RALYL: variants seen among roughly 807,000 people sequenced by gnomAD.
RALYL encodes the protein RNA-binding Raly-like protein.
RALYL carries 29 observed loss-of-function variants against 35.1 expected under a neutral mutation model. That is an observed-to-expected ratio of 0.83 (90% CI 0.61 to 1.13). The LOEUF (loss-of-function observed/expected upper bound fraction) is 1.13. Ranked by LOEUF, RALYL falls within the 50% of genes most tolerant of loss-of-function variation. The probability of loss-of-function intolerance (pLI) is 0.00; values close to 1 mark genes in which losing one functional copy is unlikely to be tolerated. For missense variants in RALYL, 359 were observed against 360.4 expected (o/e 1.00, Z 0.03); for synonymous variants, 120 against 127.6 (o/e 0.94, Z 0.40).
chr8:84,621,747 A>G (rs1821547663), intron 2 of RALYL, among the ~76,000 whole-genome samples: 1 of 152,200 alleles, frequency 6.6e-6, no homozygotes, highest in Non-Finnish European at 1.5e-5. Context: ...GTAGCCTTGT[A>G]GGATTTAAAG....
At chr8:84,656,223 C>G (rs191510280) in intron 2 of RALYL, among the ~76,000 whole-genome samples, 5 of 152,072 alleles carry the variant, frequency 3.3e-5, no homozygotes, top group Non-Finnish European at 7.4e-5. Context: ...TTTAGTTATA[C>G]CATGTGTCTT....
At chr8:84,230,723 C>A (rs1470120228) in intron 1 of RALYL, among the ~76,000 whole-genome samples, 3 of 152,146 alleles carry the variant, frequency 2.0e-5, no homozygotes, top group African/African-American at 7.2e-5. Flanking sequence ...TTATGCCAAG[C>A]ATTGTGCTAA....
intron 2 of RALYL, among the ~76,000 whole-genome samples, chr8:84,625,003 G>A (rs1277833047): frequency 6.6e-6 from 1 of 152,130 alleles, no homozygotes; most frequent in African/African-American, 2.4e-5. Flanking sequence ...AAGTCACAGA[G>A]TACACAGAAA....
chr8:84,785,323 T>G (rs1819157636), intron 3 of RALYL, among the ~76,000 whole-genome samples: 2 of 152,184 alleles, frequency 1.3e-5, no homozygotes, highest in Non-Finnish European at 2.9e-5. Flanking sequence ...AACTAAGTTG[T>G]GTATCTGCTA....
intron 1 of RALYL, among the ~76,000 whole-genome samples, chr8:84,334,715 G>T (rs924970754): frequency 6.6e-6 from 1 of 151,950 alleles, no homozygotes; most frequent in Admixed American, 6.6e-5. Flanking sequence ...ATCATTTATT[G>T]CATTTAGATA....
chr8:84,876,513 T>C (rs888837621), intron 7 of RALYL, among the ~76,000 whole-genome samples: 11 of 152,252 alleles, frequency 7.2e-5, no homozygotes, highest in African/African-American at 2.2e-4. Flanking sequence ...ACAAATTACA[T>C]GCTTTACGCA....
chr8:84,678,981 C>A, intron 2 of RALYL: 1 of 267,222 alleles, frequency 3.7e-6, no homozygotes, highest in South Asian at 4.2e-5. Context: ...AATTAATTAT[C>A]TCAGTAGTGT....
chr8:84,703,123 C>T lies in RALYL; in HGVS notation c.257-71456C>T, dbSNP rs189842068. Among the ~76,000 whole-genome samples the T allele has an allele frequency of 1.5e-4, 23 of 152,208 alleles. No homozygotes were observed. In the East Asian group the frequency reaches 4.2e-3, roughly 28 times the overall value. ...ACTTTCACCAAGGACTCTGCTCCCC[C>T]TCAGCCACTGCCCCTGCCTTTCTCT... On this transcript the variant is annotated intron_variant, in intron 2 of 8. Coordinates refer to ENST00000521268, the MANE Select transcript of RALYL (RefSeq NM_173848.7).
chr8:84,443,057 A>G (rs915372537), intron 1 of RALYL, among the ~76,000 whole-genome samples: 4 of 152,170 alleles, frequency 2.6e-5, no homozygotes, highest in African/African-American at 7.2e-5. Context: ...CTGTGGCCAC[A>G]TTGTAAGGAC....
Position 84,247,829 on chromosome 8 carries a change from G to T in RALYL, c.-24+63405G>T, listed in dbSNP as rs143806205. ...CTAAAAACAGTCTGCCAGAGTTTCA[G>T]TTATGCAAATAAAATAAATGGTGGG... On this transcript the variant is annotated intron_variant, in intron 1 of 8. Coordinates refer to ENST00000521268, the MANE Select transcript of RALYL (RefSeq NM_173848.7). Among the ~76,000 whole-genome samples, 14 of 152,192 alleles carry T rather than the reference G, an allele frequency of 9.2e-5. No individual in the cohort carries two copies. The East Asian group carries it at 1.7e-3, about 19-fold the overall frequency.
intron 1 of RALYL, among the ~76,000 whole-genome samples, chr8:84,244,252 G>C (rs950519605): frequency 6.6e-6 from 1 of 152,066 alleles, no homozygotes; most frequent in Non-Finnish European, 1.5e-5. Context: ...AACTGGGTTT[G>C]ACTCAAAGAT....
chr8:84,776,692 G>A (rs979468178), intron 3 of RALYL, among the ~76,000 whole-genome samples: 1 of 152,104 alleles, frequency 6.6e-6, no homozygotes, highest in Admixed American at 6.5e-5. Flanking sequence ...GCTACTGTCT[G>A]TGCAATGATG....
chr8:84,512,870 T>C (rs1254261733), intron 1 of RALYL, among the ~76,000 whole-genome samples: 1 of 152,204 alleles, frequency 6.6e-6, no homozygotes, highest in Non-Finnish European at 1.5e-5. Flanking sequence ...TTATCAATAT[T>C]GTTCCATTGG....
At chr8:84,272,645 A>G (rs545996565) in intron 1 of RALYL, among the ~76,000 whole-genome samples, 2 of 152,228 alleles carry the variant, frequency 1.3e-5, no homozygotes, top group Non-Finnish European at 2.9e-5. Flanking sequence ...CTATATAGCA[A>G]GTAAAATGGC....
At chr8:84,617,883 G>A (rs1037492799) in intron 2 of RALYL, among the ~76,000 whole-genome samples, 28 of 151,760 alleles carry the variant, frequency 1.8e-4, no homozygotes, top group Non-Finnish European at 2.9e-4. Context: ...CTGTCTTTAT[G>A]CTGGATTACA....
At chr8:84,751,294 G>A (rs979887130) in intron 2 of RALYL, among the ~76,000 whole-genome samples, 1 of 151,910 alleles carries the variant, frequency 6.6e-6, no homozygotes, top group East Asian at 1.9e-4. Context: ...TGCAACCTCC[G>A]CCTCCCAGGT....
chr8:84,719,637 A>G (rs956086846), intron 2 of RALYL, among the ~76,000 whole-genome samples: 1 of 152,130 alleles, frequency 6.6e-6, no homozygotes, highest in Non-Finnish European at 1.5e-5. Context: ...TAGTTAATTC[A>G]TGGCTTATTT....
intron 2 of RALYL, among the ~76,000 whole-genome samples, chr8:84,664,287 T>TTTC (rs1831521102): frequency 7.1e-6 from 1 of 141,168 alleles, no homozygotes; most frequent in Non-Finnish European, 1.6e-5. Context: ...TTTTTTTTTT[T>TTTC]CGCTTTGGAT....
At chr8:84,185,309 G>A in intron 1 of RALYL, 1 of 460,980 alleles carries the variant, frequency 2.2e-6, no homozygotes, top group Non-Finnish European at 4.0e-6. Flanking sequence ...CCTGATACTG[G>A]CTCTAAAGGT....
Sources: gnomAD v4.1 joint callset for allele counts (sites outside exome capture counted in the v4.1 genomes callset) on GRCh38, gnomAD v4.1.1 for gene constraint, MANE v1.5 for transcripts, NCBI Gene and HGNC (gene_info 2026-07-23, HGNC 2026-07-21) for gene names.